CDYL: variants seen among roughly 807,000 people sequenced by gnomAD.
The protein encoded by CDYL is chromodomain Y like, also known as chromodomain Y-like protein.
CDYL carries 8 observed loss-of-function variants against 47.3 expected under a neutral mutation model. The ratio of observed to expected loss-of-function variants is 0.17; its 90% CI spans 0.10 to 0.31. The LOEUF is 0.31. CDYL is among the 10% of genes least tolerant of loss of function. CDYL has a pLI of 1.00. For synonymous variants in CDYL, 266 were observed against 265.0 expected, an observed-to-expected ratio of 1.00 and a Z score of -0.04; for missense variants, 471 against 701.4, an observed-to-expected ratio of 0.67 and a Z score of 3.71.
intron 3 of CDYL, among the ~76,000 whole-genome samples, chr6:4,763,387 A>T (rs1758205445): frequency 6.6e-6 from 1 of 152,200 alleles, no homozygotes; most frequent in Admixed American, 6.5e-5. Flanking sequence ...AATTATAATA[A>T]TTTTTAGCAA....
In CDYL at chr6:4,892,367, G is replaced by A. The variant is rs747795630; in HGVS notation, c.679G>A (p.Val227Ile). 6.2e-7 allele frequency: 1 copy of A among 1,608,558 alleles called. No individual in the cohort carries two copies. Among genetic ancestry groups the A allele is most frequent in the South Asian group, 1.1e-5 (1 of 90,378 alleles). The change falls in exon 2 of 7, where the codon GTT (valine) becomes ATT (isoleucine). Residue 227 changes from valine to isoleucine, a missense_variant. Around this residue, in one of 3 missense-constraint regions of CDYL, gnomAD observed 311 missense variants for 350.0 expected, o/e 0.89. Coordinates refer to ENST00000397588, the MANE Select transcript of CDYL (RefSeq NM_004824.4). ...TGCAGCCATGGCCACAGGCTTAGCT[G>A]TTAACGGGAAAGGTGAGTGTCTAGG... ...VTAAMATGLA[V>I]NGKGTSPFMD... is the part of the protein sequence containing the mutation.
intron 6 of CDYL, among the ~76,000 whole-genome samples, chr6:4,953,320 A>G (rs1758766047): frequency 6.6e-6 from 1 of 151,792 alleles, no homozygotes; most frequent in Admixed American, 6.6e-5. Flanking sequence ...GGAGGCGGAG[A>G]TTGCAGTGAG....
intron 1 of CDYL, among the ~76,000 whole-genome samples, chr6:4,828,954 G>C (rs949923224): frequency 2.0e-5 from 3 of 152,020 alleles, no homozygotes; most frequent in Admixed American, 6.5e-5. Flanking sequence ...TGTTTGCTTG[G>C]TTCCTTTATA....
chr6:4,706,426 TG>T (rs1012972890), intron 1 of CDYL, among the ~76,000 whole-genome samples: 269 of 151,270 alleles, frequency 1.8e-3, no homozygotes, highest in African/African-American at 5.2e-3. Flanking sequence ...AGAGTTTGGG[TG>T]GTTTTTTTTT....
At chr6:4,876,108 C>T (rs1475068520) in intron 1 of CDYL, among the ~76,000 whole-genome samples, 1 of 152,172 alleles carries the variant, frequency 6.6e-6, no homozygotes, top group African/African-American at 2.4e-5. Flanking sequence ...ATGTCCCTTC[C>T]CAGTCAGTTT....
At chr6:4,914,532 C>T (rs1413069709) in intron 2 of CDYL, among the ~76,000 whole-genome samples, 2 of 152,180 alleles carry the variant, frequency 1.3e-5, no homozygotes, top group Admixed American at 6.5e-5. Flanking sequence ...TTCCTTGCAG[C>T]GGCTCATCTT....
At chr6:4,793,514 T>C (rs1758986460) in intron 1 of CDYL, among the ~76,000 whole-genome samples, 1 of 152,190 alleles carries the variant, frequency 6.6e-6, no homozygotes, top group Admixed American at 6.5e-5. Context: ...ACTTCATAAA[T>C]GTGCTAAGAA....
rs1757904462 is a variant in CDYL at position 4,927,347 on chromosome 6, TAGAA to T, written c.692-8163_692-8160del. 6.0e-5 allele frequency among the ~76,000 whole-genome samples: 7 copies of T among 116,032 alleles called. No individual in the cohort carries two copies. In the South Asian group the frequency reaches 2.4e-3, roughly 40 times the overall value. The allele number at this position is 116,032 out of a possible 152,430, so 76.1% of individuals were successfully genotyped here. ...ATTTTAAAGTTTTCTAATCTGAAGGTAGAAAGAACGTCTTTTTTTTTTAACTCAG... is the reference window on the plus strand; with the variant it reads ...ATTTTAAAGTTTTCTAATCTGAAGGTAGAACGTCTTTTTTTTTTAACTCAG... On this transcript the variant is annotated intron_variant, in intron 2 of 6. Transcript: ENST00000397588.
At position 4,781,760 on chromosome 6, in the gene CDYL, G is replaced by A. The variant is rs80068035; in HGVS notation, c.24+4953G>A. 3.5e-3 allele frequency among the ~76,000 whole-genome samples: 529 copies of A among 152,136 alleles called. 14 individuals are homozygous for A. In the East Asian group the frequency reaches 0.061, roughly 18 times the overall value. Reference sequence around the variant, plus strand: ...ATGGTATGTAGGCAACACTTTCTTCGCATTGTTCTGGTTCACAGTTTTGGA... The same window carrying A: ...ATGGTATGTAGGCAACACTTTCTTCACATTGTTCTGGTTCACAGTTTTGGA... On this transcript the variant is annotated intron_variant, in intron 1 of 6. Transcript: ENST00000397588.
At chr6:4,927,456 TG>T (rs1757911526) in intron 2 of CDYL, among the ~76,000 whole-genome samples, 1 of 151,828 alleles carries the variant, frequency 6.6e-6, no homozygotes, top group Non-Finnish European at 1.5e-5. Flanking sequence ...TGTGTGTGTG[TG>T]TGTCTTTTGA....
chr6:4,868,377 G>A (rs1761381115), intron 1 of CDYL, among the ~76,000 whole-genome samples: 1 of 151,484 alleles, frequency 6.6e-6, no homozygotes, highest in African/African-American at 2.4e-5. Flanking sequence ...TTTTTTAGAA[G>A]TGTGTTTTTT....
intron 1 of CDYL, among the ~76,000 whole-genome samples, chr6:4,868,660 T>C (rs1761389546): frequency 6.6e-6 from 1 of 152,206 alleles, no homozygotes; most frequent in African/African-American, 2.4e-5. Context: ...TGGTTGACAG[T>C]GTTCAAGTCT....
chr6:4,789,903 C>G (rs1292817344), intron 1 of CDYL, among the ~76,000 whole-genome samples: 2 of 152,318 alleles, frequency 1.3e-5, no homozygotes, highest in South Asian at 4.1e-4. Context: ...TCCTGTTCCT[C>G]TAAAACAAAT....
At chr6:4,938,133 A>G (rs1444875120) in intron 4 of CDYL, among the ~76,000 whole-genome samples, 1 of 152,214 alleles carries the variant, frequency 6.6e-6, no homozygotes, top group African/African-American at 2.4e-5. Context: ...CCAAATAGTA[A>G]GTTACCATTT....
chr6:4,912,726 G>A (rs545955937), intron 2 of CDYL, among the ~76,000 whole-genome samples: 15 of 152,334 alleles, frequency 9.8e-5, no homozygotes, highest in Admixed American at 2.6e-4. Context: ...CTCTGGTGGA[G>A]CCTCTTTGCT....
upstream of CDYL, among the ~76,000 whole-genome samples, chr6:4,772,762 G>C: frequency 6.6e-6 from 1 of 152,210 alleles, no homozygotes; most frequent in African/African-American, 2.4e-5. Flanking sequence ...AGGTAACCAG[G>C]ATAGAATATG....
At chr6:4,874,088 A>G (rs1427732373) in intron 1 of CDYL, among the ~76,000 whole-genome samples, 1 of 152,166 alleles carries the variant, frequency 6.6e-6, no homozygotes, top group Non-Finnish European at 1.5e-5. Context: ...CACACTCTCA[A>G]CAGTTAAAGA....
intron 1 of CDYL, among the ~76,000 whole-genome samples, chr6:4,823,653 C>A (rs115937725): frequency 0.022 from 3,407 of 152,050 alleles, 134 homozygotes; most frequent in African/African-American, 0.078. Flanking sequence ...GTATACAATT[C>A]CATGATGTTA....
chr6:4,921,065 C>G (rs945512387), intron 2 of CDYL, among the ~76,000 whole-genome samples: 1 of 151,960 alleles, frequency 6.6e-6, no homozygotes, highest in African/African-American at 2.4e-5. Context: ...CTGAGCCATT[C>G]CTCTGGAAAA....
Sources: gnomAD v4.1 joint callset for allele counts (sites outside exome capture counted in the v4.1 genomes callset) on GRCh38, gnomAD v4.1.1 for gene constraint, gnomAD v4.1.1 regional missense constraint, MANE v1.5 for transcripts, NCBI Gene and HGNC (gene_info 2026-07-23, HGNC 2026-07-21) for gene names.